The following MYO3B variants were observed in gnomAD, a reference collection of about 807,000 sequenced individuals.
The protein encoded by MYO3B is myosin-IIIb.
In MYO3B, 156 loss-of-function variants were observed where a neutral mutation model predicts 174.6. The ratio of observed to expected loss-of-function variants is 0.89; its 90% CI spans 0.78 to 1.02. The LOEUF (loss-of-function observed/expected upper bound fraction) is 1.02, where lower values mean the gene tolerates loss of function less well. Among genes scored for constraint, MYO3B ranks in the 50% least tolerant of loss-of-function variants. The probability of loss-of-function intolerance (pLI) is 0.00; values close to 1 mark genes in which losing one functional copy is unlikely to be tolerated. For synonymous variants in MYO3B, 563 were observed against 569.1 expected (o/e 0.99, Z 0.15); for missense variants, 1,632 against 1,639.4 (o/e 1.00, Z 0.08).
chr2:170,276,700 G>C (rs1049062653), intron 7 of MYO3B, among the ~76,000 whole-genome samples: 1 of 152,110 alleles, frequency 6.6e-6, no homozygotes, highest in African/African-American at 2.4e-5. Context: ...TTTAATGCCT[G>C]CCTAATATAA....
At chr2:170,542,787 A>C in intron 30 of MYO3B, 119 bp from the exon 31 acceptor site, 1 of 744,938 alleles carries the variant, frequency 1.3e-6, no homozygotes, top group Non-Finnish European at 2.1e-6. Context: ...CTGAAATGGG[A>C]AACCATGGAA....
intron 7 of MYO3B, among the ~76,000 whole-genome samples, chr2:170,265,657 T>C (rs1404849486): frequency 1.3e-5 from 2 of 152,234 alleles, no homozygotes; most frequent in African/African-American, 2.4e-5. Context: ...TAGTCCCTGG[T>C]TGCATTACAG....
At chr2:170,329,527 C>T (rs2093896594) in intron 7 of MYO3B, among the ~76,000 whole-genome samples, 1 of 150,778 alleles carries the variant, frequency 6.6e-6, no homozygotes, top group South Asian at 2.1e-4. Flanking sequence ...ATTACAGGTG[C>T]AGGCCACCAC....
At chr2:170,492,788 A>G (rs1170697667) in intron 25 of MYO3B, among the ~76,000 whole-genome samples, 1 of 152,166 alleles carries the variant, frequency 6.6e-6, no homozygotes, top group African/African-American at 2.4e-5. Context: ...TGTATCCTGG[A>G]AAAGCAATGT....
At chr2:170,184,846 A>AT (rs1254215455) in intron 1 of MYO3B, among the ~76,000 whole-genome samples, 2 of 152,076 alleles carry the variant, frequency 1.3e-5, no homozygotes, top group Non-Finnish European at 2.9e-5. Flanking sequence ...CTCACCAGCC[A>AT]TTTGTTATTG....
At chr2:170,401,234 T>C (rs2094474005) in intron 17 of MYO3B, among the ~76,000 whole-genome samples, 1 of 152,174 alleles carries the variant, frequency 6.6e-6, no homozygotes, top group African/African-American at 2.4e-5. Context: ...CCCAATTTAT[T>C]TGGCAAAAGA....
At chr2:170,187,672 A>G (rs2092483434) in intron 1 of MYO3B, among the ~76,000 whole-genome samples, 1 of 151,992 alleles carries the variant, frequency 6.6e-6, no homozygotes, top group East Asian at 1.9e-4. Context: ...TAGTGTTTCT[A>G]TTATCATTTG....
At chr2:170,391,697 T>A in intron 15 of MYO3B, 79 bp downstream of exon 15, 3 of 833,804 alleles carry the variant, frequency 3.6e-6, no homozygotes, top group Non-Finnish European at 5.8e-6. Flanking sequence ...TAAATGGAGC[T>A]GTTTTCCTAA....
intron 7 of MYO3B, among the ~76,000 whole-genome samples, chr2:170,269,078 T>C (rs990576516): frequency 4.6e-5 from 7 of 152,234 alleles, no homozygotes; most frequent in African/African-American, 1.7e-4. Context: ...AGATGCCAGC[T>C]GTGAATCTGC....
At chr2:170,200,779 G>A (rs1311988868) in intron 3 of MYO3B, among the ~76,000 whole-genome samples, 1 of 152,150 alleles carries the variant, frequency 6.6e-6, no homozygotes, top group Non-Finnish European at 1.5e-5. Flanking sequence ...AGTGAGGAAG[G>A]CAGGATCAGG....
intron 30 of MYO3B, among the ~76,000 whole-genome samples, chr2:170,532,568 T>C (rs973811248): frequency 3.3e-5 from 5 of 152,110 alleles, no homozygotes; most frequent in Non-Finnish European, 5.9e-5. Flanking sequence ...ATCCTAGCAC[T>C]TTGGGAGGCC....
chr2:170,236,201 A>G lies in MYO3B; in HGVS notation c.749+65A>G, dbSNP rs558984856. ...GTGAAAGCGTCTGGTTAGAGGGATA[A>G]TAAATAGTTTGCAAGCAATTTCTCT... On this transcript the variant is annotated intron_variant, in intron 7 of 34. Coordinates refer to ENST00000408978, the MANE Select transcript of MYO3B (RefSeq NM_138995.5). The G allele has an allele frequency of 2.3e-5, 37 of 1,592,790 alleles. No individual in the cohort carries two copies. In the African/African-American group the frequency reaches 4.2e-4, roughly 18 times the overall value.
chr2:170,537,790 A>G (rs1326557708), intron 30 of MYO3B, among the ~76,000 whole-genome samples: 13 of 152,168 alleles, frequency 8.5e-5, no homozygotes, highest in Non-Finnish European at 1.6e-4. Flanking sequence ...AGAGGTGGAA[A>G]CAAATTACTT....
chr2:170,495,495 T>G (rs1415754216), intron 25 of MYO3B, among the ~76,000 whole-genome samples: 1 of 152,108 alleles, frequency 6.6e-6, no homozygotes, highest in Non-Finnish European at 1.5e-5. Flanking sequence ...AATTAAGATG[T>G]TTTGGTTGAT....
chr2:170,437,831 C>T (rs936058389), intron 22 of MYO3B, among the ~76,000 whole-genome samples: 3 of 152,168 alleles, frequency 2.0e-5, no homozygotes, highest in African/African-American at 7.2e-5. Flanking sequence ...CGCGCTCTAT[C>T]GTCTAACTTC....
At chr2:170,195,593 G>A (rs370665246) in intron 1 of MYO3B, among the ~76,000 whole-genome samples, 59 of 152,236 alleles carry the variant, frequency 3.9e-4, no homozygotes, top group African/African-American at 1.3e-3. Context: ...CCTAGGTACC[G>A]AGGGCACTGA....
chr2:170,198,034 G>A (rs16857905), intron 1 of MYO3B, among the ~76,000 whole-genome samples: 9,376 of 151,810 alleles, frequency 0.062, 693 homozygotes, highest in East Asian at 0.3. Context: ...GACCTAATGT[G>A]GGAAATAAGC....
chr2:170,470,412 A>G (rs1684915025), intron 25 of MYO3B, among the ~76,000 whole-genome samples: 2 of 152,190 alleles, frequency 1.3e-5, no homozygotes, highest in Non-Finnish European at 2.9e-5. Context: ...GGATGAAATG[A>G]ATACTGGTAC....
At chr2:170,525,649 G>T (rs1235957899) in intron 30 of MYO3B, among the ~76,000 whole-genome samples, 1 of 152,168 alleles carries the variant, frequency 6.6e-6, no homozygotes, top group Non-Finnish European at 1.5e-5. Flanking sequence ...CGTGACTCAG[G>T]CAGCTCAAGG....
Sources: allele counts gnomAD v4.1 joint callset (sites outside exome capture counted in the v4.1 genomes callset), GRCh38; gene constraint gnomAD v4.1.1; transcripts MANE v1.5; gene names NCBI Gene and HGNC (gene_info 2026-07-23, HGNC 2026-07-21).